The following ATG7 variants were observed in gnomAD, a reference collection of about 807,000 sequenced individuals.
ATG7 encodes autophagy related 7, also known as ubiquitin-like modifier-activating enzyme ATG7.
Under a neutral mutation model 82.4 loss-of-function variants are expected in ATG7, and 70 were observed. The observed-to-expected ratio is 0.85, with a 90% confidence interval of 0.70 to 1.04. The LOEUF is 1.04. ATG7 is among the 50% of genes least tolerant of loss of function. The pLI is 0.00. For synonymous variants in ATG7, 287 were observed against 313.0 expected (o/e 0.92, Z 0.88); for missense variants, 792 against 864.3 (o/e 0.92, Z 1.05).
intron 19 of ATG7, 113 bp downstream of exon 19, chr3:11,380,165 A>C (rs1463906515): frequency 2.1e-6 from 2 of 954,400 alleles, no homozygotes; most frequent in Admixed American, 1.9e-5. Context: ...TTGTGGGGGA[A>C]GGGTGGGGTC....
At chr3:11,311,494 C>T (rs959239258) in intron 7 of ATG7, among the ~76,000 whole-genome samples, 1 of 149,992 alleles carries the variant, frequency 6.7e-6, no homozygotes, top group Non-Finnish European at 1.5e-5. Flanking sequence ...CCCAACTACT[C>T]GGGAGGCTGA....
intron 20 of ATG7, among the ~76,000 whole-genome samples, chr3:11,511,920 A>G (rs545482483): frequency 1.1e-4 from 16 of 152,252 alleles, no homozygotes; most frequent in South Asian, 2.1e-4. Context: ...ACACCCACCC[A>G]GAACTCCAGC....
At chr3:11,350,985 C>T (rs1412544033) in intron 14 of ATG7, among the ~76,000 whole-genome samples, 1 of 139,514 alleles carries the variant, frequency 7.2e-6, no homozygotes, top group Admixed American at 7.2e-5. Context: ...GTATTATGAA[C>T]TCCCTTTAGG....
chr3:11,369,468 G>C (rs574388167), intron 18 of ATG7, among the ~76,000 whole-genome samples: 3 of 151,248 alleles, frequency 2.0e-5, no homozygotes, highest in African/African-American at 7.3e-5. Flanking sequence ...CAAGTGCCAA[G>C]CACTATGAAG....
At chr3:11,462,597 G>A (rs1285251557) in intron 20 of ATG7, among the ~76,000 whole-genome samples, 7 of 152,244 alleles carry the variant, frequency 4.6e-5, no homozygotes, top group African/African-American at 1.7e-4. Context: ...CTGGGATGAT[G>A]AAAGCAGAGG....
chr3:11,517,760 A>T (rs1313721047), intron 20 of ATG7, among the ~76,000 whole-genome samples: 1 of 152,242 alleles, frequency 6.6e-6, no homozygotes, highest in East Asian at 1.9e-4. Flanking sequence ...ACCATCTGTG[A>T]CTTAGGTGGC....
At chr3:11,441,485 A>G (rs1024976770) in intron 20 of ATG7, among the ~76,000 whole-genome samples, 3 of 151,650 alleles carry the variant, frequency 2.0e-5, no homozygotes, top group African/African-American at 7.3e-5. Context: ...CTCATGATCC[A>G]CCCACCTCGG....
At chr3:11,359,275 TTG>T (rs2076133801) in intron 15 of ATG7, among the ~76,000 whole-genome samples, 2 of 152,040 alleles carry the variant, frequency 1.3e-5, no homozygotes, top group South Asian at 4.1e-4. Context: ...GAGCTGCGGG[TTG>T]TGAGTGATTT....
intron 20 of ATG7, among the ~76,000 whole-genome samples, chr3:11,452,384 CAAAAAAAAAAAA>C (rs34530409): frequency 3.4e-5 from 2 of 58,420 alleles, no homozygotes; most frequent in Non-Finnish European, 5.6e-5. Context: ...GAACCTGTCT[CAAAAAAAAAAAA>C]AAAAAAAAAA....
chr3:11,283,368 T>C (rs1353031274), intron 3 of ATG7, among the ~76,000 whole-genome samples: 2 of 152,192 alleles, frequency 1.3e-5, no homozygotes, highest in African/African-American at 4.8e-5. Context: ...CTACCATTTA[T>C]TGACTGCTTG....
At chr3:11,290,554 C>A (rs1009213399) in intron 3 of ATG7, 9 of 367,034 alleles carry the variant, frequency 2.5e-5, no homozygotes, top group South Asian at 3.9e-5. Flanking sequence ...AGGTAGCTGT[C>A]ACTGCCTGGT....
At chr3:11,532,375 C>A (rs1224513504) in intron 20 of ATG7, among the ~76,000 whole-genome samples, 3 of 152,038 alleles carry the variant, frequency 2.0e-5, no homozygotes, top group African/African-American at 7.2e-5. Flanking sequence ...AGAGCTGAGT[C>A]TGGAAAGAGG....
At chr3:11,492,886 C>T (rs188319615) in intron 20 of ATG7, among the ~76,000 whole-genome samples, 287 of 152,358 alleles carry the variant, frequency 1.9e-3, no homozygotes, top group African/African-American at 6.7e-3. Flanking sequence ...GGTGGGGGTG[C>T]CTGAAACTCC....
intron 19 of ATG7, among the ~76,000 whole-genome samples, chr3:11,404,636 T>G (rs1361100558): frequency 6.6e-6 from 1 of 152,110 alleles, no homozygotes; most frequent in African/African-American, 2.4e-5. Context: ...TTTCTCATGC[T>G]GCTCATAAAG....
chr3:11,395,126 A>T (rs1379338957), intron 19 of ATG7, among the ~76,000 whole-genome samples: 1 of 152,216 alleles, frequency 6.6e-6, no homozygotes, highest in Non-Finnish European at 1.5e-5. Context: ...TTCAAAAACA[A>T]AATGAATAGG....
intron 20 of ATG7, among the ~76,000 whole-genome samples, chr3:11,509,538 GTTTATAATGGCC>G (rs986247195): frequency 2.0e-4 from 31 of 152,180 alleles, no homozygotes; most frequent in Admixed American, 7.8e-4. Flanking sequence ...TTTTATGAGC[GTTTATAATGGCC>G]TTTTAAGTAA....
intron 9 of ATG7, among the ~76,000 whole-genome samples, chr3:11,317,256 T>A (rs922616250): frequency 6.6e-6 from 1 of 152,170 alleles, no homozygotes; most frequent in Non-Finnish European, 1.5e-5. Flanking sequence ...CCGTTAATAA[T>A]TTAAAGTCCA....
intron 20 of ATG7, among the ~76,000 whole-genome samples, chr3:11,455,114 A>G (rs893401580): frequency 1.3e-5 from 2 of 152,256 alleles, no homozygotes; most frequent in Admixed American, 6.5e-5. Flanking sequence ...GTCACACATT[A>G]TACAAAGTAA....
chr3:11,364,761 A>G, intron 18 of ATG7, 27 bp downstream of exon 18: 1 of 1,611,762 alleles, frequency 6.2e-7, no homozygotes, highest in Non-Finnish European at 8.5e-7. Context: ...TGAAATCACA[A>G]TTCTTTTGGT....
Sources: allele counts gnomAD v4.1 joint callset (sites outside exome capture counted in the v4.1 genomes callset), GRCh38; gene constraint gnomAD v4.1.1; transcripts MANE v1.5; gene names NCBI Gene and HGNC (gene_info 2026-07-23, HGNC 2026-07-21).